Variants in CDHR3 observed in about 807,000 individuals in gnomAD.
CDHR3 encodes the protein cadherin related family member 3, also known as cadherin-related family member 3.
Under a neutral mutation model 86.6 loss-of-function variants are expected in CDHR3, and 79 were observed. That is an observed-to-expected ratio of 0.91 (90% confidence interval 0.76 to 1.10). The LOEUF (loss-of-function observed/expected upper bound fraction) is 1.10, where lower values mean the gene tolerates loss of function less well. Ranked by LOEUF, CDHR3 falls within the 50% of genes least tolerant of loss-of-function variation. The pLI, the probability that CDHR3 is intolerant of heterozygous loss-of-function variation, is 0.00. For missense variants in CDHR3, 1,081 were observed against 1,077.6 expected (o/e 1.00, Z -0.04); for synonymous variants, 421 against 402.4 (o/e 1.05, Z -0.55).
intron 11 of CDHR3, among the ~76,000 whole-genome samples, chr7:106,017,027 A>G (rs753903758): frequency 6.6e-6 from 1 of 152,240 alleles, no homozygotes; most frequent in African/African-American, 2.4e-5. Flanking sequence ...CACCAACAAT[A>G]TTTGTAAAAA....
intron 1 of CDHR3, among the ~76,000 whole-genome samples, chr7:105,964,034 A>G (rs902780020): frequency 5.3e-5 from 8 of 152,248 alleles, no homozygotes; most frequent in Non-Finnish European, 1.0e-4. Context: ...GATAATTTAC[A>G]TCTTTGACAA....
At chr7:106,013,488 C>T (rs150321441) in intron 9 of CDHR3, among the ~76,000 whole-genome samples, 2 of 152,242 alleles carry the variant, frequency 1.3e-5, no homozygotes, top group South Asian at 2.1e-4. Flanking sequence ...TGTAGGAAGC[C>T]CCCTCCCTGG....
At chr7:106,028,637 C>T (rs553677132) in intron 17 of CDHR3, 55 bp downstream of exon 17, 45 of 1,598,906 alleles carry the variant, frequency 2.8e-5, no homozygotes, top group Admixed American at 6.7e-5. Context: ...TAGGGGCTCC[C>T]GTCTCCCCCG....
chr7:106,007,595 A>G (rs1467909909), intron 8 of CDHR3, among the ~76,000 whole-genome samples: 1 of 152,220 alleles, frequency 6.6e-6, no homozygotes, highest in Admixed American at 6.5e-5. Context: ...ACATAACAAG[A>G]GTCACCTTTG....
intron 16 of CDHR3, chr7:106,028,328 T>G (rs1337121757): frequency 1.8e-6 from 1 of 565,648 alleles, no homozygotes; most frequent in East Asian, 3.1e-5. Flanking sequence ...ACAACTAAAT[T>G]GTTCGTATGT....
At chr7:106,024,640 A>T in intron 15 of CDHR3, 78 bp downstream of exon 15, 1 of 1,425,902 alleles carries the variant, frequency 7.0e-7, no homozygotes, top group Non-Finnish European at 9.6e-7. Context: ...AGAAGGAAAA[A>T]TGGAGAATCA....
At chr7:105,975,603 C>T (rs1156926018) in intron 2 of CDHR3, among the ~76,000 whole-genome samples, 1 of 152,236 alleles carries the variant, frequency 6.6e-6, no homozygotes, top group Admixed American at 6.5e-5. Flanking sequence ...CATGCCTCTG[C>T]TGCTCTGTTT....
At chr7:105,984,064 A>T in intron 3 of CDHR3, 128 bp from the exon 4 acceptor site, 1 of 490,998 alleles carries the variant, frequency 2.0e-6, no homozygotes, top group Non-Finnish European at 3.6e-6. Context: ...GGATTTTTTT[A>T]TTGCATTCTT....
intron 8 of CDHR3, 97 bp from the exon 9 acceptor site, chr7:106,012,763 G>A (rs1835009960): frequency 1.6e-6 from 2 of 1,275,480 alleles, no homozygotes; most frequent in Non-Finnish European, 2.2e-6. Flanking sequence ...ACTTTGAATT[G>A]CAGTTAAAGT....
intron 2 of CDHR3, among the ~76,000 whole-genome samples, chr7:105,977,648 C>A (rs1466405333): frequency 6.6e-6 from 1 of 152,226 alleles, no homozygotes; most frequent in Non-Finnish European, 1.5e-5. Flanking sequence ...GAAGATCCTA[C>A]TCTCCAACCG....
At position 106,004,748 on chromosome 7, in the gene CDHR3, T is replaced by G. The variant is rs1833706295; in HGVS notation, c.1052+61T>G. On this transcript the variant is annotated intron_variant, in intron 8 of 18. Transcript: ENST00000317716. ...TCTCTTTGGTGGCCCTCTGCCCTTC[T>G]GCTTCTCTGGTATATTCTCAGGAGA... is the stretch of plus-strand genomic sequence containing the variant. The G allele has an allele frequency of 3.1e-5, 46 of 1,492,936 alleles. No individual in the cohort carries two copies. In the South Asian group the frequency reaches 5.2e-4, roughly 17 times the overall value. The allele number at this position is 1,492,936 out of a possible 1,614,324, so 92.5% of individuals were successfully genotyped here. A position where few individuals can be genotyped will look rare whatever the true frequency, so the allele number is the denominator to read the frequency against.
chr7:106,010,985 G>C (rs1464419702), intron 8 of CDHR3, among the ~76,000 whole-genome samples: 1 of 152,232 alleles, frequency 6.6e-6, no homozygotes, highest in African/African-American at 2.4e-5. Flanking sequence ...GCCATGACCA[G>C]TTGTTGGTAC....
intron 12 of CDHR3, 100 bp downstream of exon 12, chr7:106,018,172 C>G: frequency 1.2e-6 from 1 of 830,196 alleles, no homozygotes; most frequent in Admixed American, 2.3e-5. Flanking sequence ...GGAAACTTCC[C>G]AGGGTACATC....
intron 3 of CDHR3, among the ~76,000 whole-genome samples, chr7:105,981,387 CAGAG>C (rs1371919561): frequency 6.6e-6 from 1 of 152,156 alleles, no homozygotes; most frequent in Non-Finnish European, 1.5e-5. Flanking sequence ...AACTGAAGCT[CAGAG>C]AGAGACCTCG....
chr7:106,019,810 G>A (rs1418501521), intron 12 of CDHR3, among the ~76,000 whole-genome samples: 1 of 152,162 alleles, frequency 6.6e-6, no homozygotes, highest in Admixed American at 6.5e-5. Context: ...ATCAGCTAGG[G>A]AACATCAATG....
At chr7:105,964,276 T>C (rs2727755) in intron 1 of CDHR3, among the ~76,000 whole-genome samples, 11 of 151,906 alleles carry the variant, frequency 7.2e-5, no homozygotes, top group Non-Finnish European at 1.3e-4. Context: ...TTTTTTACAT[T>C]TGTAAATGGA....
At chr7:105,995,277 C>T (rs1439034774) in intron 5 of CDHR3, among the ~76,000 whole-genome samples, 1 of 152,342 alleles carries the variant, frequency 6.6e-6, no homozygotes, top group East Asian at 1.9e-4. Context: ...GCTCAAGCCA[C>T]TCCACAGGTC....
At chr7:106,013,992 G>A (rs1032225906) in intron 9 of CDHR3, among the ~76,000 whole-genome samples, 4 of 151,798 alleles carry the variant, frequency 2.6e-5, no homozygotes, top group Non-Finnish European at 5.9e-5. Flanking sequence ...ACCATGTCTC[G>A]CTCTGTCACC....
chr7:106,024,258 G>T, intron 14 of CDHR3, 123 bp from the exon 15 acceptor site: 1 of 804,540 alleles, frequency 1.2e-6, no homozygotes, highest in Non-Finnish European at 2.0e-6. Context: ...TGAGCACACA[G>T]ATGTCCAACT....
Sources: gnomAD v4.1 joint callset for allele counts (sites outside exome capture counted in the v4.1 genomes callset) on GRCh38, gnomAD v4.1.1 for gene constraint, MANE v1.5 for transcripts, NCBI Gene and HGNC (gene_info 2026-07-23, HGNC 2026-07-21) for gene names.